The following CPLANE1 variants were observed in gnomAD, a reference collection of about 807,000 sequenced individuals.
The protein encoded by CPLANE1 is ciliogenesis and planar polarity effector complex subunit 1.
In CPLANE1, 263 loss-of-function variants were observed where a neutral mutation model predicts 362.5. The ratio of observed to expected loss-of-function variants is 0.73; its 90% CI spans 0.66 to 0.80. The LOEUF (loss-of-function observed/expected upper bound fraction) is 0.80. CPLANE1 is among the 30% of genes least tolerant of loss of function. CPLANE1 has a pLI of 0.00. For synonymous variants in CPLANE1, 1,212 were observed against 1,302.6 expected (o/e 0.93, Z 1.50); for missense variants, 3,461 against 3,793.4 (o/e 0.91, Z 2.30).
chr5:37,249,089 T>G (rs1289268234), intron 1 of CPLANE1, among the ~76,000 whole-genome samples, 156 bp downstream of exon 1: 1 of 152,110 alleles, frequency 6.6e-6, no homozygotes, highest in African/African-American at 2.4e-5. Flanking sequence ...GTAGTGGGGA[T>G]GTACCAGGGC....
chr5:37,157,634 C>T, intron 40 of CPLANE1, 36 bp downstream of exon 40: 3 of 1,564,514 alleles, frequency 1.9e-6, no homozygotes, highest in Non-Finnish European at 2.6e-6. Flanking sequence ...AAGAACTTTT[C>T]AAATTATATT....
intron 46 of CPLANE1, among the ~76,000 whole-genome samples, chr5:37,135,522 A>T (rs560986410): frequency 2.6e-5 from 4 of 152,236 alleles, no homozygotes; most frequent in African/African-American, 9.6e-5. Context: ...TGCCCAGCAA[A>T]AGGGGAAGTC....
the CPLANE1 span, among the ~76,000 whole-genome samples, chr5:37,089,356 TG>T: frequency 6.6e-6 from 1 of 152,094 alleles, no homozygotes; most frequent in Non-Finnish European, 1.5e-5. Flanking sequence ...ATTAGCCCAA[TG>T]GGGGGTTACT....
chr5:37,116,696 T>C (rs548532574), intron 50 of CPLANE1, among the ~76,000 whole-genome samples: 9 of 152,082 alleles, frequency 5.9e-5, no homozygotes, highest in African/African-American at 1.7e-4. Context: ...CTTTACAAGA[T>C]AGAAAGCAAC....
chr5:37,157,176 T>C lies in CPLANE1; in HGVS notation c.8119+137A>G, dbSNP rs529031639. ...CTTTGGAATCATGTCTCTATTTCAT[T>C]TACCTACTTGCCCCCATGCTCCTTA... On this transcript the variant is annotated intron_variant, in intron 41 of 52. Coordinates refer to ENST00000651892, the MANE Select transcript of CPLANE1 (RefSeq NM_001384732.1). 1.1e-3 allele frequency: 371 copies of C among 337,782 alleles called. 6 individuals are homozygous for C. The highest frequency in any genetic ancestry group is 8.9e-3 in the South Asian group (363 of 40,932). 20.9% of individuals were successfully genotyped at this position (337,782 alleles called of 1,614,324 possible).
intron 46 of CPLANE1, among the ~76,000 whole-genome samples, chr5:37,132,117 C>A (rs892945638): frequency 6.6e-6 from 1 of 151,828 alleles, no homozygotes; most frequent in African/African-American, 2.4e-5. Context: ...GCAGATACAT[C>A]GAATAATAGA....
At chr5:37,241,092 C>T (rs1187754655) in intron 6 of CPLANE1, among the ~76,000 whole-genome samples, 2 of 151,634 alleles carry the variant, frequency 1.3e-5, no homozygotes, top group Non-Finnish European at 2.9e-5. Flanking sequence ...GCCGAGATTA[C>T]GTCACTGCAC....
At chr5:37,153,628 T>C in intron 42 of CPLANE1, 112 bp downstream of exon 42, 1 of 1,142,498 alleles carries the variant, frequency 8.8e-7, no homozygotes, top group South Asian at 1.6e-5. Context: ...AACCCTAGCT[T>C]AAAGAAAACA....
chr5:37,165,953 C>A (rs868649038), intron 35 of CPLANE1, among the ~76,000 whole-genome samples: 1 of 152,170 alleles, frequency 6.6e-6, no homozygotes, highest in South Asian at 2.1e-4. Flanking sequence ...ATTAAACTCT[C>A]TTTTCTGTGG....
At chr5:37,198,570 A>G (rs1486253584) in intron 20 of CPLANE1, 132 bp downstream of exon 20, 2 of 858,644 alleles carry the variant, frequency 2.3e-6, no homozygotes, top group Non-Finnish European at 3.5e-6. Context: ...CTGTTTGTTT[A>G]TGAATAAATC....
At chr5:37,218,290 T>C (rs1015569681) in intron 15 of CPLANE1, among the ~76,000 whole-genome samples, 12 of 152,146 alleles carry the variant, frequency 7.9e-5, no homozygotes, top group African/African-American at 2.9e-4. Context: ...CAGAAGGGGT[T>C]TATGTGACCA....
chr5:37,116,558 G>C (rs1039551418), intron 50 of CPLANE1, among the ~76,000 whole-genome samples: 2 of 144,660 alleles, frequency 1.4e-5, no homozygotes, highest in Non-Finnish European at 3.0e-5. Context: ...GGTCAAGGTT[G>C]CAGTGAGCCA....
chr5:37,213,830 C>CT (rs1003960625), intron 15 of CPLANE1, 98 bp from the exon 16 acceptor site: 15 of 970,578 alleles, frequency 1.5e-5, no homozygotes, highest in African/African-American at 3.3e-5. Context: ...ATTGCAATAC[C>CT]TTTTTTTCTG....
chr5:37,134,474 A>T (rs772928239), intron 46 of CPLANE1, among the ~76,000 whole-genome samples: 11 of 152,178 alleles, frequency 7.2e-5, no homozygotes, highest in Non-Finnish European at 1.6e-4. Context: ...CTGTGGGATC[A>T]GTTGTAATGT....
the CPLANE1 span, among the ~76,000 whole-genome samples, chr5:37,078,794 T>C: frequency 2.6e-5 from 4 of 152,152 alleles, no homozygotes; most frequent in Non-Finnish European, 2.9e-5. Flanking sequence ...TTGATTAGGA[T>C]TTCTCTAATG....
intron 49 of CPLANE1, 30 bp from the exon 50 acceptor site, chr5:37,120,370 T>C (rs780013677): frequency 3.3e-6 from 5 of 1,529,314 alleles, no homozygotes; most frequent in Admixed American, 2.4e-5. Context: ...ATTATTACAT[T>C]CCCAGAATCT....
At chr5:37,084,131 C>T in the CPLANE1 span, among the ~76,000 whole-genome samples, 1 of 152,178 alleles carries the variant, frequency 6.6e-6, no homozygotes, top group Non-Finnish European at 1.5e-5. Context: ...TTTTCAGCCT[C>T]CTCAAACAAA....
At chr5:37,221,234 A>T in intron 15 of CPLANE1, 90 bp downstream of exon 15, 1 of 742,434 alleles carries the variant, frequency 1.3e-6, no homozygotes, top group Non-Finnish European at 2.1e-6. Context: ...TAGAAGGATT[A>T]CTTGAGCTCA....
chr5:37,181,945 A>T (rs1419097565), intron 26 of CPLANE1, among the ~76,000 whole-genome samples: 1 of 152,040 alleles, frequency 6.6e-6, no homozygotes, highest in Non-Finnish European at 1.5e-5. Context: ...TACAAAAATT[A>T]GTCAGGCGTG....
Sources: allele counts gnomAD v4.1 joint callset (sites outside exome capture counted in the v4.1 genomes callset), GRCh38; gene constraint gnomAD v4.1.1; transcripts MANE v1.5; gene names NCBI Gene and HGNC (gene_info 2026-07-23, HGNC 2026-07-21).